Variants in MLLT10 observed in about 807,000 individuals in gnomAD.
MLLT10 encodes the protein protein AF-10.
Under a neutral mutation model 129.1 loss-of-function variants are expected in MLLT10, and 30 were observed. The ratio of observed to expected loss-of-function variants is 0.23; its 90% CI spans 0.17 to 0.32. The LOEUF is 0.32. MLLT10 is among the 10% of genes least tolerant of loss of function. The pLI, the probability that MLLT10 is intolerant of heterozygous loss-of-function variation, is 1.00. For synonymous variants in MLLT10, 490 were observed against 446.4 expected, an observed-to-expected ratio of 1.10 and a Z score of -1.23; for missense variants, 1,119 against 1,268.3, an observed-to-expected ratio of 0.88 and a Z score of 1.79.
At chr10:21,704,507 T>C (rs2055300577) in intron 13 of MLLT10, among the ~76,000 whole-genome samples, 1 of 151,618 alleles carries the variant, frequency 6.6e-6, no homozygotes, top group Non-Finnish European at 1.5e-5. Context: ...ATAGCTTCTT[T>C]AGTATTAAAA....
chr10:21,670,913 T>C, intron 10 of MLLT10: 1 of 501,424 alleles, frequency 2.0e-6, no homozygotes, highest in Non-Finnish European at 3.4e-6. Flanking sequence ...TATAATATGA[T>C]TTGTGCTTCC....
At chr10:21,740,922 T>C (rs908202345) in intron 22 of MLLT10, among the ~76,000 whole-genome samples, 6 of 152,198 alleles carry the variant, frequency 3.9e-5, no homozygotes, top group African/African-American at 9.7e-5. Context: ...AGAACCCTGT[T>C]AGAGGAAGGC....
intron 13 of MLLT10, among the ~76,000 whole-genome samples, chr10:21,706,295 T>C: frequency 6.6e-6 from 1 of 152,218 alleles, no homozygotes; most frequent in African/African-American, 2.4e-5. Flanking sequence ...CTGTCTACCA[T>C]GACTGGTGCC....
chr10:21,568,836 G>T (rs1313981619), intron 3 of MLLT10, among the ~76,000 whole-genome samples: 1 of 152,062 alleles, frequency 6.6e-6, no homozygotes, highest in Middle Eastern at 3.2e-3. Flanking sequence ...GGGTTTCACC[G>T]TCTTGGTCAG....
intron 6 of MLLT10, among the ~76,000 whole-genome samples, chr10:21,614,225 CAAAAA>C (rs34546142): frequency 1.2e-5 from 1 of 81,036 alleles, no homozygotes; most frequent in Non-Finnish European, 2.4e-5. Flanking sequence ...TTTTTTTTTT[CAAAAA>C]AAAAAAAAAA....
chr10:21,655,334 G>GT (rs1355044839), intron 9 of MLLT10, among the ~76,000 whole-genome samples: 2 of 152,316 alleles, frequency 1.3e-5, no homozygotes, highest in Admixed American at 1.3e-4. Flanking sequence ...TGAATACTAA[G>GT]TATTTTAGGT....
intron 11 of MLLT10, 80 bp from the exon 12 acceptor site, chr10:21,681,251 AT>A: frequency 6.4e-7 from 1 of 1,570,162 alleles, no homozygotes. Flanking sequence ...ATTTCCCTCC[AT>A]TTTTCTGGCC....
intron 13 of MLLT10, among the ~76,000 whole-genome samples, chr10:21,705,513 G>A (rs749753286): frequency 6.6e-6 from 1 of 152,126 alleles, no homozygotes; most frequent in Non-Finnish European, 1.5e-5. Context: ...AGGTAGCCGG[G>A]GCAGCATTGG....
intron 4 of MLLT10, among the ~76,000 whole-genome samples, chr10:21,594,513 A>T (rs1241498339): frequency 6.9e-6 from 1 of 144,588 alleles, no homozygotes; most frequent in Non-Finnish European, 1.5e-5. Flanking sequence ...AGATCGCGCC[A>T]CTGCTCTCCA....
At chr10:21,636,710 G>A (rs988673251) in intron 8 of MLLT10, among the ~76,000 whole-genome samples, 2 of 151,966 alleles carry the variant, frequency 1.3e-5, no homozygotes, top group Non-Finnish European at 2.9e-5. Context: ...AAGTAGCTGA[G>A]ACTACAGGCG....
intron 4 of MLLT10, among the ~76,000 whole-genome samples, chr10:21,590,528 G>A (rs540612193): frequency 6.6e-5 from 10 of 151,964 alleles, no homozygotes; most frequent in African/African-American, 9.7e-5. Context: ...TAGTAGAGAC[G>A]GGATCTCACC....
At chr10:21,593,173 C>T (rs2042679373) in intron 4 of MLLT10, among the ~76,000 whole-genome samples, 1 of 151,724 alleles carries the variant, frequency 6.6e-6, no homozygotes, top group Admixed American at 6.6e-5. Context: ...CAGTTCACAG[C>T]AACCTTCAAC....
intron 13 of MLLT10, among the ~76,000 whole-genome samples, chr10:21,693,006 G>C (rs1031607664): frequency 2.0e-5 from 3 of 151,050 alleles, no homozygotes; most frequent in African/African-American, 7.3e-5. Flanking sequence ...TCTTTTTAAA[G>C]AAACAGAAAA....
chr10:21,608,544 T>G (rs999737624), intron 5 of MLLT10, among the ~76,000 whole-genome samples: 2 of 152,138 alleles, frequency 1.3e-5, no homozygotes, highest in African/African-American at 4.8e-5. Flanking sequence ...GATTTTTGTA[T>G]GTATAATTTT....
intron 13 of MLLT10, among the ~76,000 whole-genome samples, chr10:21,695,893 G>GAC (rs1274725227): frequency 6.6e-6 from 1 of 150,810 alleles, no homozygotes; most frequent in Non-Finnish European, 1.5e-5. Context: ...GACCAAATTG[G>GAC]ACAAGTATTA....
chr10:21,683,309 G>C (rs2052938642), intron 13 of MLLT10, among the ~76,000 whole-genome samples: 1 of 152,112 alleles, frequency 6.6e-6, no homozygotes, highest in African/African-American at 2.4e-5. Context: ...CGGAAGCTTA[G>C]ATAATGAATA....
At chr10:21,571,551 C>T (rs1328132221) in intron 3 of MLLT10, among the ~76,000 whole-genome samples, 3 of 152,206 alleles carry the variant, frequency 2.0e-5, no homozygotes, top group Non-Finnish European at 2.9e-5. Context: ...GTTGCTTGTC[C>T]AATATCTTCA....
At chr10:21,700,870 T>C (rs1374648039) in intron 13 of MLLT10, among the ~76,000 whole-genome samples, 2 of 152,206 alleles carry the variant, frequency 1.3e-5, no homozygotes, top group African/African-American at 4.8e-5. Context: ...AATTCCCTTC[T>C]CTTGGATTTT....
At chr10:21,734,159 T>G (rs750072787) in intron 20 of MLLT10, 30 bp downstream of exon 20, 1 of 1,561,918 alleles carries the variant, frequency 6.4e-7, no homozygotes, top group Non-Finnish European at 8.7e-7. Flanking sequence ...TTTGGGTTTT[T>G]TAGTATAACA....
Sources: allele counts gnomAD v4.1 joint callset (sites outside exome capture counted in the v4.1 genomes callset), GRCh38; gene constraint gnomAD v4.1.1; transcripts MANE v1.5; gene names NCBI Gene and HGNC (gene_info 2026-07-23, HGNC 2026-07-21).